DST: variants seen among roughly 807,000 people sequenced by gnomAD.
The protein encoded by DST is bullous pemphigoid antigen.
In DST, 253 loss-of-function variants were observed where a neutral mutation model predicts 875.2. The observed-to-expected ratio is 0.29, with a 90% CI of 0.26 to 0.32. The LOEUF is 0.32. Among genes scored for constraint, DST ranks in the 10% least tolerant of loss-of-function variants. The probability of loss-of-function intolerance (pLI) is 1.00; values close to 1 mark genes in which losing one functional copy is unlikely to be tolerated. For synonymous variants in DST, 3,124 were observed against 3,197.1 expected (o/e 0.98, Z 0.77); for missense variants, 8,287 against 9,111.6 (o/e 0.91, Z 3.68).
Position 56,632,991 on chromosome 6 carries a change from A to C in DST, c.3668T>G (p.Leu1223Arg), listed in dbSNP as rs370710151. ...PGEHQQVLSN[L>R]QSRFEDFLED... The stretch of plus-strand genomic sequence containing the variant: ...CAGAAAATCTTCAAAACGAGATTGT[A>C]GATTACTTAGAACTTGCTGATGTTC... Residue 1223 changes from leucine to arginine, a missense_variant, in exon 28 of 104, where the codon CTA becomes CGA. By Grantham distance (102) the Leu-to-Arg change is moderately radical. Transcript: ENST00000680361. 6.2e-7 allele frequency: 1 copy of C among 1,613,934 alleles called. No homozygotes were observed. Among genetic ancestry groups the C allele is most frequent in the Non-Finnish European group, 8.5e-7 (1 of 1,179,990 alleles).
At chr6:56,463,411 C>CA (rs950455517) in intron 101 of DST, among the ~76,000 whole-genome samples, 154 bp downstream of exon 101, 12 of 151,598 alleles carry the variant, frequency 7.9e-5, no homozygotes, top group African/African-American at 1.9e-4. Flanking sequence ...AGCATACATT[C>CA]AAAAAAAAAT....
intron 4 of DST, among the ~76,000 whole-genome samples, chr6:56,795,463 C>T (rs889172586): frequency 6.6e-6 from 1 of 152,096 alleles, no homozygotes; most frequent in Non-Finnish European, 1.5e-5. Flanking sequence ...ATGGAACAAT[C>T]AAGTACCTAA....
intron 61 of DST, among the ~76,000 whole-genome samples, chr6:56,546,139 A>G (rs774762183): frequency 6.6e-6 from 1 of 151,636 alleles, no homozygotes; most frequent in Non-Finnish European, 1.5e-5. Context: ...AGATTCACCA[A>G]CTGATCTTGA....
intron 3 of DST, among the ~76,000 whole-genome samples, chr6:56,855,348 C>T (rs933291781): frequency 5.3e-5 from 8 of 152,178 alleles, no homozygotes; most frequent in Non-Finnish European, 1.2e-4. Context: ...GACCAAAACA[C>T]TTCTAATATT....
At chr6:56,849,134 A>AT (rs755617631) in intron 4 of DST, among the ~76,000 whole-genome samples, 3,933 of 114,930 alleles carry the variant, frequency 0.034, 233 homozygotes, top group African/African-American at 0.07. Context: ...AATTCATGCA[A>AT]TTTTTTTTTT....
At chr6:56,621,660 G>C (rs2098691651) in intron 36 of DST, among the ~76,000 whole-genome samples, 1 of 152,274 alleles carries the variant, frequency 6.6e-6, no homozygotes, top group Non-Finnish European at 1.5e-5. Context: ...GCTGGGAGGA[G>C]TATGCTTTAC....
intron 2 of DST, among the ~76,000 whole-genome samples, chr6:56,941,906 T>G (rs1377421669): frequency 1.3e-5 from 2 of 152,230 alleles, no homozygotes; most frequent in East Asian, 3.8e-4. Context: ...AGAGGTATGC[T>G]TATAAACTCT....
rs1248495142 is a variant in DST at position 56,473,855 on chromosome 6, A to T, written c.21994+18T>A. 6.3e-7 allele frequency: 1 copy of T among 1,580,982 alleles called. No individual in the cohort carries two copies. The highest frequency in any genetic ancestry group is 8.6e-7 in the Non-Finnish European group (1 of 1,164,936). On this transcript the variant is annotated intron_variant, in intron 93 of 103. Coordinates refer to ENST00000680361, the MANE Select transcript of DST (RefSeq NM_001374736.1). Reference sequence around the variant, plus strand: ...TCCCTTATTTATTGACATTTTAAAGAAATTGATCACTGCTTACTTCCTGCT... The same window carrying T: ...TCCCTTATTTATTGACATTTTAAAGTAATTGATCACTGCTTACTTCCTGCT...
intron 97 of DST, among the ~76,000 whole-genome samples, chr6:56,469,536 T>C (rs1006683101): frequency 6.6e-6 from 1 of 152,162 alleles, no homozygotes; most frequent in Non-Finnish European, 1.5e-5. Context: ...GGTTCTGGAT[T>C]AGAGTAGCTT....
chr6:56,560,041 A>G (rs1057194292), intron 58 of DST, among the ~76,000 whole-genome samples: 11 of 152,166 alleles, frequency 7.2e-5, no homozygotes, highest in African/African-American at 2.7e-4. Flanking sequence ...CATGCACAGC[A>G]CTTCATTAAC....
intron 9 of DST, among the ~76,000 whole-genome samples, chr6:56,690,854 C>G (rs2099223769): frequency 1.3e-5 from 2 of 152,130 alleles, no homozygotes; most frequent in South Asian, 4.1e-4. Flanking sequence ...GGAAGAATGT[C>G]CTAAGAGGAA....
rs1582558505 is a variant in DST at position 56,478,022 on chromosome 6, T to C, written c.21532-534A>G. ...ATATCTGGATACAGAGGGCCAACTTTATAGGATATTTCATGCTTCAAAAAC... is the reference window on the plus strand; with the variant it reads ...ATATCTGGATACAGAGGGCCAACTTCATAGGATATTTCATGCTTCAAAAAC... On this transcript the variant is annotated intron_variant, in intron 90 of 103. Transcript: ENST00000680361. Among the ~76,000 whole-genome samples the C allele has an allele frequency of 2.6e-5, 4 of 151,994 alleles. No individual in the cohort carries two copies. The East Asian group carries it at 7.7e-4, about 29-fold the overall frequency.
chr6:56,620,046 A>G (rs1451383833), intron 36 of DST: 11 of 1,613,710 alleles, frequency 6.8e-6, no homozygotes, highest in African/African-American at 1.3e-5. Flanking sequence ...TTTTCTCTAC[A>G]TGTATACTGA....
At chr6:56,757,722 G>A (rs2099607583) in intron 4 of DST, among the ~76,000 whole-genome samples, 1 of 152,100 alleles carries the variant, frequency 6.6e-6, no homozygotes, top group Admixed American at 6.6e-5. Flanking sequence ...TACTGGCTGG[G>A]GACACAGACC....
intron 67 of DST, among the ~76,000 whole-genome samples, chr6:56,527,985 C>T (rs1321667787): frequency 1.3e-5 from 2 of 152,096 alleles, no homozygotes; most frequent in Admixed American, 6.6e-5. Context: ...ATGTGGAAAG[C>T]AGTACTTTTG....
intron 69 of DST, among the ~76,000 whole-genome samples, chr6:56,519,283 T>C (rs192007183): frequency 2.2e-4 from 33 of 152,250 alleles, no homozygotes; most frequent in African/African-American, 7.2e-4. Flanking sequence ...TTTTAAACAA[T>C]AACCACTCTA....
rs749430814 is a variant in DST, at chr6:56,485,478, A to T, written c.21048-7T>A. On this transcript the variant is annotated splice_region_variant and splice_polypyrimidine_tract_variant and intron_variant, in intron 87 of 103. Coordinates refer to ENST00000680361, the MANE Select transcript of DST (RefSeq NM_001374736.1). ...TTCCTCCAATTTGTTTTGTCTAGGG[A>T]AAAAGGTAGAAAAATTGATCCTTGC... 1 of 1,607,908 alleles carries T rather than the reference A, an allele frequency of 6.2e-7. No individual in the cohort carries two copies. Among genetic ancestry groups the T allele is most frequent in the Non-Finnish European group, 8.5e-7 (1 of 1,176,890 alleles).
At chr6:56,645,535 G>A (rs1400875077) in intron 15 of DST, among the ~76,000 whole-genome samples, 2 of 152,162 alleles carry the variant, frequency 1.3e-5, no homozygotes, top group African/African-American at 2.4e-5. Context: ...AAAATCAGCT[G>A]TTGTCCTATA....
chr6:56,535,061 AT>A, intron 63 of DST, 60 bp downstream of exon 63: 10 of 1,585,808 alleles, frequency 6.3e-6, no homozygotes, highest in East Asian at 2.3e-5. Context: ...CACAATTTGC[AT>A]TTTTTCTCTT....
Sources: allele counts gnomAD v4.1 joint callset (sites outside exome capture counted in the v4.1 genomes callset), GRCh38; gene constraint gnomAD v4.1.1; transcripts MANE v1.5; gene names NCBI Gene and HGNC (gene_info 2026-07-23, HGNC 2026-07-21).